KIF6: variants seen among roughly 807,000 people sequenced by gnomAD.
KIF6 encodes the protein kinesin family member 6, also known as kinesin-like protein KIF6.
In KIF6, 106 loss-of-function variants were observed where a neutral mutation model predicts 112.7. The ratio of observed to expected loss-of-function variants is 0.94; its 90% CI spans 0.80 to 1.11. KIF6 has a LOEUF of 1.11. KIF6 is among the 50% of genes least tolerant of loss of function. The pLI is 0.00. For missense variants in KIF6, 929 were observed against 964.0 expected (o/e 0.96, Z 0.48); for synonymous variants, 339 against 339.9 (o/e 1.00, Z 0.03).
chr6:39,437,905 C>T lies in KIF6; in HGVS notation c.1646-6744G>A, dbSNP rs9462548. ...AAAATATTGCGTATATAATTATATA[C>T]GGTACATAATACTTGATAATAAATG... On this transcript the variant is annotated intron_variant, in intron 13 of 22. Transcript: ENST00000287152. 9.7e-4 allele frequency among the ~76,000 whole-genome samples: 148 copies of T among 152,136 alleles called. 1 individual carries two copies. The highest frequency in any genetic ancestry group is 3.3e-3 in the African/African-American group (135 of 41,516).
chr6:39,529,037 C>T (rs1777898334), intron 13 of KIF6, among the ~76,000 whole-genome samples: 1 of 152,070 alleles, frequency 6.6e-6, no homozygotes, highest in Non-Finnish European at 1.5e-5. Flanking sequence ...TGATTTTTGA[C>T]AAAGATGCCA....
intron 3 of KIF6, among the ~76,000 whole-genome samples, chr6:39,649,765 GAAA>G (rs758221346): frequency 0.089 from 9,235 of 103,416 alleles, 341 homozygotes; most frequent in Admixed American, 0.11. Context: ...AAGAAAGAAA[GAAA>G]GAAAGAAAAG....
At chr6:39,347,015 C>T (rs1763860977) in intron 19 of KIF6, among the ~76,000 whole-genome samples, 1 of 152,180 alleles carries the variant, frequency 6.6e-6, no homozygotes, top group Non-Finnish European at 1.5e-5. Context: ...CAAACGATGG[C>T]CACAACTGTC....
At chr6:39,714,659 C>T (rs781090271) in intron 3 of KIF6, 33 bp downstream of exon 3, 9 of 1,498,392 alleles carry the variant, frequency 6.0e-6, no homozygotes, top group South Asian at 3.4e-5. Context: ...TGAAAAACCA[C>T]GAGCCCACTG....
chr6:39,676,847 G>A (rs977804195), intron 3 of KIF6, among the ~76,000 whole-genome samples: 1 of 151,784 alleles, frequency 6.6e-6, no homozygotes, highest in Non-Finnish European at 1.5e-5. Flanking sequence ...AAAGAAAAAG[G>A]CACAGAAAAA....
chr6:39,532,260 A>G (rs1464677899), intron 13 of KIF6, among the ~76,000 whole-genome samples: 1 of 152,198 alleles, frequency 6.6e-6, no homozygotes, highest in Non-Finnish European at 1.5e-5. Flanking sequence ...CTTATAGGAT[A>G]AAGATTAAAT....
At chr6:39,430,580 C>A (rs1771081099) in intron 14 of KIF6, among the ~76,000 whole-genome samples, 1 of 152,174 alleles carries the variant, frequency 6.6e-6, no homozygotes, top group Non-Finnish European at 1.5e-5. Flanking sequence ...GATAATCCTG[C>A]CTGCTCTAAT....
rs140968073 is a variant in KIF6 at position 39,356,757 on chromosome 6, G to T, written c.2180+520C>A. 6.6e-4 allele frequency among the ~76,000 whole-genome samples: 101 copies of T among 152,260 alleles called. 1 individual carries two copies. The East Asian group carries it at 7.0e-3, about 11-fold the overall frequency. On this transcript the variant is annotated intron_variant, in intron 19 of 22. Transcript: ENST00000287152. ...ACCCCCTGGGTTGTGTGGTTGGAAA[G>T]AGACAATAACATGGTTGTGGGGAAG...
chr6:39,662,385 T>C (rs983563084), intron 3 of KIF6, among the ~76,000 whole-genome samples: 1 of 152,234 alleles, frequency 6.6e-6, no homozygotes, highest in South Asian at 2.1e-4. Context: ...AGGTTTAAAA[T>C]GTTTAAGGGA....
chr6:39,711,877 A>G (rs1789576602), intron 3 of KIF6, among the ~76,000 whole-genome samples: 2 of 152,196 alleles, frequency 1.3e-5, no homozygotes, highest in Non-Finnish European at 1.5e-5. Flanking sequence ...GTATCCTAAC[A>G]TTCTTGACTA....
At chr6:39,396,753 C>A (rs1214531218) in intron 15 of KIF6, among the ~76,000 whole-genome samples, 2 of 152,126 alleles carry the variant, frequency 1.3e-5, no homozygotes, top group African/African-American at 2.4e-5. Flanking sequence ...CAGTGCCTGG[C>A]ACATTGTAGG....
At chr6:39,642,094 G>A (rs540322724) in intron 3 of KIF6, among the ~76,000 whole-genome samples, 3 of 152,182 alleles carry the variant, frequency 2.0e-5, no homozygotes, top group African/African-American at 7.2e-5. Flanking sequence ...TGGACACTAG[G>A]CCTTTTCATG....
chr6:39,395,843 A>G (rs778540870), intron 15 of KIF6, among the ~76,000 whole-genome samples: 9 of 152,226 alleles, frequency 5.9e-5, no homozygotes, highest in Non-Finnish European at 1.2e-4. Flanking sequence ...CTGAAGGGAC[A>G]TAAAATCAAC....
chr6:39,673,920 A>T (rs1406896731), intron 3 of KIF6, among the ~76,000 whole-genome samples: 2 of 152,218 alleles, frequency 1.3e-5, no homozygotes, highest in Admixed American at 6.5e-5. Flanking sequence ...ATGAAGTCTT[A>T]GAACAAGTAG....
chr6:39,429,972 G>A (rs759164465), intron 14 of KIF6, among the ~76,000 whole-genome samples: 7 of 152,006 alleles, frequency 4.6e-5, no homozygotes, highest in Middle Eastern at 3.4e-3. Context: ...CTTCTCACTC[G>A]CTCCTCCATG....
intron 3 of KIF6, among the ~76,000 whole-genome samples, chr6:39,704,553 G>A (rs1582488192): frequency 6.6e-6 from 1 of 152,258 alleles, no homozygotes; most frequent in East Asian, 1.9e-4. Flanking sequence ...GGGTGGCAGA[G>A]GTTGCAGTGA....
chr6:39,515,832 G>A (rs1341617916), intron 13 of KIF6, among the ~76,000 whole-genome samples: 1 of 152,152 alleles, frequency 6.6e-6, no homozygotes, highest in African/African-American at 2.4e-5. Flanking sequence ...TATCTAAATC[G>A]ACTGTGAGAT....
In KIF6 at chr6:39,336,232, C is replaced by T. The variant is rs371244658; in HGVS notation, c.*300G>A. On this transcript the variant is annotated 3_prime_UTR_variant, in exon 23 of 23. Transcript: ENST00000287152. ...AAAGCTTATAAAGATCTACACAAAACGTCACTACAACAGTGAGCTGAAGCC... is the reference window on the plus strand; with the variant it reads ...AAAGCTTATAAAGATCTACACAAAATGTCACTACAACAGTGAGCTGAAGCC... 3.1e-5 allele frequency: 12 copies of T among 383,458 alleles called. No homozygotes were observed. The highest frequency in any genetic ancestry group is 2.1e-4 in the African/African-American group (10 of 48,554). 23.8% of individuals were successfully genotyped at this position (383,458 alleles called of 1,614,324 possible).
intron 15 of KIF6, among the ~76,000 whole-genome samples, chr6:39,390,297 A>G (rs1767772307): frequency 6.6e-6 from 1 of 152,218 alleles, no homozygotes; most frequent in African/African-American, 2.4e-5. Flanking sequence ...TTTCAGACAT[A>G]TTGGAAGGAT....
Sources: gnomAD v4.1 joint callset for allele counts (sites outside exome capture counted in the v4.1 genomes callset) on GRCh38, gnomAD v4.1.1 for gene constraint, MANE v1.5 for transcripts, NCBI Gene and HGNC (gene_info 2026-07-23, HGNC 2026-07-21) for gene names.